The following FRMD4B variants were observed in gnomAD, a reference collection of about 807,000 sequenced individuals.
FRMD4B encodes the protein FERM domain-containing protein 4B.
Under a neutral mutation model 141.5 loss-of-function variants are expected in FRMD4B, and 74 were observed. The observed-to-expected ratio is 0.52, with a 90% CI of 0.43 to 0.63. The LOEUF (loss-of-function observed/expected upper bound fraction) is 0.63, where lower values mean the gene tolerates loss of function less well. FRMD4B is among the 30% of genes least tolerant of loss of function. The pLI is 0.00. For synonymous variants in FRMD4B, 506 were observed against 467.9 expected (o/e 1.08, Z -1.05); for missense variants, 1,366 against 1,253.4 (o/e 1.09, Z -1.36).
chr3:69,410,783 G>T lies in FRMD4B; in HGVS notation c.-1+21851C>A, dbSNP rs1704747980. ...TATATATATATATATATTTGAGACA[G>T]GGTCTTGCTCTGTTGCCCAGGCTGG... is the stretch of plus-strand genomic sequence containing the variant. On this transcript the variant is annotated intron_variant, in intron 2 of 5. Transcript: ENST00000459638. 2.8e-5 allele frequency among the ~76,000 whole-genome samples: 4 copies of T among 140,768 alleles called. No individual in the cohort carries two copies. In the South Asian group the frequency reaches 9.1e-4, roughly 32 times the overall value. The allele number at this position is 140,768 out of a possible 152,430, so 92.3% of individuals were successfully genotyped here. A position where few individuals can be genotyped will look rare whatever the true frequency, so the allele number is the denominator to read the frequency against.
chr3:69,382,622 T>A (rs1444964215), intron 1 of FRMD4B, among the ~76,000 whole-genome samples: 1 of 152,166 alleles, frequency 6.6e-6, no homozygotes, highest in Non-Finnish European at 1.5e-5. Context: ...CATTTCACTC[T>A]CATTGAGAAT....
At chr3:69,470,969 A>G (rs1416595573) in intron 1 of FRMD4B, among the ~76,000 whole-genome samples, 4 of 152,232 alleles carry the variant, frequency 2.6e-5, no homozygotes, top group Non-Finnish European at 4.4e-5. Flanking sequence ...TGCATCAGAA[A>G]TACTGTCCAC....
At chr3:69,342,141 G>A (rs1288721164) in intron 1 of FRMD4B, among the ~76,000 whole-genome samples, 1 of 152,148 alleles carries the variant, frequency 6.6e-6, no homozygotes, top group Non-Finnish European at 1.5e-5. Context: ...ATCTTTCCAG[G>A]AAGGCTTTTT....
At chr3:69,485,990 G>A (rs1476376394) in intron 1 of FRMD4B, among the ~76,000 whole-genome samples, 1 of 152,192 alleles carries the variant, frequency 6.6e-6, no homozygotes, top group Non-Finnish European at 1.5e-5. Context: ...TATAATTACA[G>A]ATGATTCTAG....
intron 5 of FRMD4B, among the ~76,000 whole-genome samples, chr3:69,260,301 G>T (rs573073562): frequency 6.6e-6 from 1 of 152,238 alleles, no homozygotes; most frequent in Non-Finnish European, 1.5e-5. Flanking sequence ...GCTGTGCACC[G>T]TGTTCGCGAG....
At chr3:69,506,466 C>T (rs1199756980) in intron 1 of FRMD4B, among the ~76,000 whole-genome samples, 1 of 151,876 alleles carries the variant, frequency 6.6e-6, no homozygotes, top group Non-Finnish European at 1.5e-5. Context: ...TAAATACAGA[C>T]TTCTTATGAA....
chr3:69,389,119 C>T (rs976411162), upstream of FRMD4B, among the ~76,000 whole-genome samples: 42 of 151,394 alleles, frequency 2.8e-4, no homozygotes, highest in African/African-American at 9.2e-4. Context: ...CTGCAACCTC[C>T]GCCTCCCGGG....
At chr3:69,351,380 C>G (rs1703144363) in intron 1 of FRMD4B, among the ~76,000 whole-genome samples, 1 of 152,130 alleles carries the variant, frequency 6.6e-6, no homozygotes, top group Non-Finnish European at 1.5e-5. Flanking sequence ...CTGCTGAGAG[C>G]TCACTAGTAT....
At chr3:69,414,551 G>A (rs140202077) in intron 2 of FRMD4B, among the ~76,000 whole-genome samples, 18 of 152,358 alleles carry the variant, frequency 1.2e-4, no homozygotes, top group Middle Eastern at 6.8e-3. Context: ...ATCTTAGGGC[G>A]TGATCCGCCT....
At chr3:69,463,507 C>T (rs989668729) in intron 1 of FRMD4B, among the ~76,000 whole-genome samples, 11 of 152,156 alleles carry the variant, frequency 7.2e-5, no homozygotes, top group African/African-American at 2.7e-4. Flanking sequence ...AAGCAATGAC[C>T]TCAGTGCATT....
chr3:69,405,501 G>A (rs2106763848), intron 2 of FRMD4B, among the ~76,000 whole-genome samples: 1 of 152,324 alleles, frequency 6.6e-6, no homozygotes, highest in Non-Finnish European at 1.5e-5. Context: ...TGGCAGCCCT[G>A]TGCAGGGCAA....
chr3:69,538,334 A>G (rs774621073), intron 1 of FRMD4B, among the ~76,000 whole-genome samples: 8 of 152,260 alleles, frequency 5.3e-5, no homozygotes, highest in Non-Finnish European at 8.8e-5. Context: ...ATGCATATAC[A>G]TAATACCCTA....
chr3:69,192,444 T>C (rs1421978026), intron 17 of FRMD4B, among the ~76,000 whole-genome samples: 1 of 152,006 alleles, frequency 6.6e-6, no homozygotes, highest in Non-Finnish European at 1.5e-5. Context: ...GATGTTAAAA[T>C]GTAAAGGAAA....
rs921660124 is a variant in FRMD4B at position 69,169,109 on chromosome 3, T to C, written c.*2752A>G. ...AATATACAATAAATTAACTATTATA[T>C]CTGAGAGTGTTCGGCTAATGGGCAC... On this transcript the variant is annotated 3_prime_UTR_variant, in exon 23 of 23. Transcript: ENST00000398540. Among the ~76,000 whole-genome samples the C allele has an allele frequency of 5.3e-5, 8 of 151,948 alleles. No individual in the cohort carries two copies. Among genetic ancestry groups the C allele is most frequent in the African/African-American group, 1.9e-4 (8 of 41,396 alleles).
At chr3:69,355,682 G>A (rs945675145) in intron 1 of FRMD4B, among the ~76,000 whole-genome samples, 1 of 152,156 alleles carries the variant, frequency 6.6e-6, no homozygotes. Flanking sequence ...GGCTGGGTAA[G>A]CTCAGGTTAT....
intron 1 of FRMD4B, among the ~76,000 whole-genome samples, chr3:69,480,521 G>A (rs1706101358): frequency 6.6e-6 from 1 of 152,096 alleles, no homozygotes; most frequent in South Asian, 2.1e-4. Context: ...GCAGAACAGC[G>A]GATTTTCGTG....
chr3:69,202,802 G>C lies in FRMD4B; in HGVS notation c.877-4028C>G, dbSNP rs58150045. Among the ~76,000 whole-genome samples the C allele has an allele frequency of 7.7e-3, 1,169 of 152,224 alleles. 11 individuals carry two copies. Among genetic ancestry groups the C allele is most frequent in the African/African-American group, 0.027 (1,114 of 41,536 alleles). ...TTTGATATCAAAAGAAGGATGTAGAGAGTGACTGAAGAATAATATCTGGGA... is the reference window on the plus strand; with the variant it reads ...TTTGATATCAAAAGAAGGATGTAGACAGTGACTGAAGAATAATATCTGGGA... On this transcript the variant is annotated intron_variant, in intron 11 of 22. Coordinates refer to ENST00000398540, the MANE Select transcript of FRMD4B (RefSeq NM_015123.3).
At chr3:69,250,940 C>T (rs950633079) in intron 5 of FRMD4B, among the ~76,000 whole-genome samples, 7 of 150,862 alleles carry the variant, frequency 4.6e-5, no homozygotes, top group African/African-American at 1.5e-4. Context: ...AAGAAAAAAG[C>T]TTTTTCAGTA....
intron 1 of FRMD4B, among the ~76,000 whole-genome samples, chr3:69,480,077 T>C (rs1319536140): frequency 1.3e-5 from 2 of 152,208 alleles, no homozygotes; most frequent in Non-Finnish European, 2.9e-5. Context: ...TAAGCACTTC[T>C]CTGTATTGGT....
Sources: allele counts gnomAD v4.1 joint callset (sites outside exome capture counted in the v4.1 genomes callset), GRCh38; gene constraint gnomAD v4.1.1; transcripts MANE v1.5; gene names NCBI Gene and HGNC (gene_info 2026-07-23, HGNC 2026-07-21).